Variants in ROR1 observed in about 807,000 individuals in gnomAD.
The protein encoded by ROR1 is inactive tyrosine-protein kinase transmembrane receptor ROR1.
Under a neutral mutation model 78.8 loss-of-function variants are expected in ROR1, and 19 were observed. That is an observed-to-expected ratio of 0.24 (90% CI 0.17 to 0.35). ROR1 has a LOEUF of 0.35. ROR1 is among the 10% of genes least tolerant of loss of function. The pLI, the probability that ROR1 is intolerant of heterozygous loss-of-function variation, is 1.00. For synonymous variants in ROR1, 386 were observed against 433.6 expected, an observed-to-expected ratio of 0.89 and a Z score of 1.36; for missense variants, 917 against 1,177.8, an observed-to-expected ratio of 0.78 and a Z score of 3.24.
At chr1:63,872,217 A>G (rs1163149001) in intron 1 of ROR1, among the ~76,000 whole-genome samples, 1 of 152,182 alleles carries the variant, frequency 6.6e-6, no homozygotes, top group African/African-American at 2.4e-5. Flanking sequence ...TCCCTGGTAA[A>G]TCTGAATACT....
At chr1:64,028,610 G>A (rs1287876688) in intron 2 of ROR1, among the ~76,000 whole-genome samples, 1 of 152,038 alleles carries the variant, frequency 6.6e-6, no homozygotes, top group Non-Finnish European at 1.5e-5. Flanking sequence ...ATCCAGAAAT[G>A]CTAAGAAGAA....
chr1:64,049,347 G>T (rs889830162), intron 2 of ROR1, among the ~76,000 whole-genome samples: 5 of 152,092 alleles, frequency 3.3e-5, no homozygotes, highest in Admixed American at 6.5e-5. Context: ...GGAGATTTGA[G>T]GTGAACTTTA....
chr1:63,826,856 A>G (rs1644956706), intron 1 of ROR1, among the ~76,000 whole-genome samples: 3 of 152,008 alleles, frequency 2.0e-5, no homozygotes, highest in Admixed American at 2.0e-4. Flanking sequence ...CTGGTGTGAG[A>G]TGGTATCTCA....
intron 7 of ROR1, among the ~76,000 whole-genome samples, chr1:64,152,296 T>G (rs747604847): frequency 6.6e-6 from 1 of 152,220 alleles, no homozygotes; most frequent in Non-Finnish European, 1.5e-5. Flanking sequence ...CTACATTTCC[T>G]TCCCCATTCT....
At chr1:64,044,986 T>A (rs1646772793) in intron 2 of ROR1, among the ~76,000 whole-genome samples, 1 of 152,166 alleles carries the variant, frequency 6.6e-6, no homozygotes, top group Non-Finnish European at 1.5e-5. Context: ...CAGTGTTCTC[T>A]AAACAGGCAA....
chr1:64,134,996 G>A (rs1049353940), intron 4 of ROR1, among the ~76,000 whole-genome samples: 12 of 151,940 alleles, frequency 7.9e-5, no homozygotes, highest in African/African-American at 1.5e-4. Flanking sequence ...TGATCCACCC[G>A]TCTCGGCCTC....
chr1:64,034,961 T>G (rs1208509811), intron 2 of ROR1, among the ~76,000 whole-genome samples: 5 of 152,338 alleles, frequency 3.3e-5, no homozygotes, highest in Non-Finnish European at 5.9e-5. Context: ...TTGACCTGAT[T>G]CTCTTGCTGG....
chr1:64,142,662 T>C lies in ROR1; in HGVS notation c.1174+12T>C. On this transcript the variant is annotated intron_variant, in intron 7 of 8. Transcript: ENST00000371079. ...CATCCCAGCGTGCGGTAAATAGAAG[T>C]CATTGCCCCTAATGTATTCAATCAT... 1 of 1,613,888 alleles carries C rather than the reference T, an allele frequency of 6.2e-7. No individual in the cohort carries two copies. Among genetic ancestry groups the C allele is most frequent in the Non-Finnish European group, 8.5e-7 (1 of 1,179,860 alleles).
intron 1 of ROR1, among the ~76,000 whole-genome samples, chr1:63,844,458 C>T (rs1645068450): frequency 6.6e-6 from 1 of 152,098 alleles, no homozygotes; most frequent in Non-Finnish European, 1.5e-5. Context: ...GCTAGACTAT[C>T]AACTTTATGG....
chr1:64,079,558 A>G (rs1342868082), intron 4 of ROR1, among the ~76,000 whole-genome samples: 3 of 149,246 alleles, frequency 2.0e-5, no homozygotes, highest in East Asian at 3.9e-4. Context: ...TGCAACCTCC[A>G]CCTCCCAGGT....
intron 4 of ROR1, among the ~76,000 whole-genome samples, chr1:64,109,077 C>T (rs1383112260): frequency 6.6e-6 from 1 of 152,124 alleles, no homozygotes; most frequent in African/African-American, 2.4e-5. Flanking sequence ...ATACAAACCC[C>T]CGGCTTAGAT....
intron 2 of ROR1, among the ~76,000 whole-genome samples, chr1:64,031,347 G>A (rs1646658246): frequency 6.6e-6 from 1 of 152,214 alleles, no homozygotes; most frequent in Admixed American, 6.5e-5. Context: ...AGATGGATGA[G>A]GTACTTAGCC....
intron 1 of ROR1, among the ~76,000 whole-genome samples, chr1:63,920,752 T>G (rs1645648129): frequency 6.6e-6 from 1 of 152,216 alleles, no homozygotes. Context: ...TTACAAAGTA[T>G]GCTTCAGAGT....
Position 63,868,130 on chromosome 1 carries a change from TTTGTTG to T in ROR1, c.91+93637_91+93642del, listed in dbSNP as rs570593007. 7.5e-3 allele frequency among the ~76,000 whole-genome samples: 1,148 copies of T among 152,128 alleles called. 7 individuals carry two copies. Among genetic ancestry groups the T allele is most frequent in the Non-Finnish European group, 9.8e-3 (665 of 68,008 alleles). On this transcript the variant is annotated intron_variant, in intron 1 of 8. Transcript: ENST00000371079. ...GATTCAGAGAAATACTAGCGCAGTT[TTTGTTG>T]TTGTTGTTGTTGTTTTGTTTTTTTG...
chr1:63,899,838 CTGT>C (rs1645471048), intron 1 of ROR1, among the ~76,000 whole-genome samples: 1 of 151,844 alleles, frequency 6.6e-6, no homozygotes, highest in South Asian at 2.1e-4. Flanking sequence ...AAAACCATAA[CTGT>C]TACTCTTGGT....
At chr1:63,823,118 T>A (rs1027712502) in intron 1 of ROR1, among the ~76,000 whole-genome samples, 1 of 152,242 alleles carries the variant, frequency 6.6e-6, no homozygotes, top group African/African-American at 2.4e-5. Context: ...AAAAATCTTT[T>A]AAAATATTTT....
At chr1:63,837,296 T>C (rs1233128150) in intron 1 of ROR1, among the ~76,000 whole-genome samples, 1 of 152,228 alleles carries the variant, frequency 6.6e-6, no homozygotes, top group African/African-American at 2.4e-5. Context: ...TTATTCTTTT[T>C]CAGATTGTGT....
intron 1 of ROR1, among the ~76,000 whole-genome samples, chr1:63,951,598 G>A (rs139988497): frequency 3.4e-4 from 52 of 152,298 alleles, no homozygotes; most frequent in African/African-American, 9.9e-4. Flanking sequence ...GTGTGTGGGA[G>A]GATTTCCCAG....
chr1:64,091,709 C>A (rs1447962450), intron 4 of ROR1, among the ~76,000 whole-genome samples: 1 of 152,136 alleles, frequency 6.6e-6, no homozygotes, highest in East Asian at 1.9e-4. Flanking sequence ...ATATTCTCTT[C>A]TTCCCTCTTC....
Sources: allele counts gnomAD v4.1 joint callset (sites outside exome capture counted in the v4.1 genomes callset), GRCh38; gene constraint gnomAD v4.1.1; transcripts MANE v1.5; gene names NCBI Gene and HGNC (gene_info 2026-07-23, HGNC 2026-07-21).